ANKRD36: variants seen among roughly 807,000 people sequenced by gnomAD.
The protein encoded by ANKRD36 is ankyrin repeat domain 36.
A neutral mutation model predicts 278.1 loss-of-function variants in ANKRD36; 179 were observed. That is an observed-to-expected ratio of 0.64 (90% CI 0.57 to 0.73). The LOEUF (loss-of-function observed/expected upper bound fraction) is 0.73, where lower values mean the gene tolerates loss of function less well. Ranked by LOEUF, ANKRD36 falls within the 30% of genes least tolerant of loss-of-function variation. The probability of loss-of-function intolerance (pLI) is 0.00; values close to 1 mark genes in which losing one functional copy is unlikely to be tolerated. For synonymous variants in ANKRD36, 320 were observed against 641.1 expected (o/e 0.50, Z 7.57); for missense variants, 1,159 against 1,956.7 (o/e 0.59, Z 7.69).
chr2:97,230,305 A>G (rs1421111649), intron 67 of ANKRD36, among the ~76,000 whole-genome samples: 1 of 152,024 alleles, frequency 6.6e-6, no homozygotes, highest in Non-Finnish European at 1.5e-5. Context: ...CTTTTCACTT[A>G]GTCCCATATT....
chr2:97,175,170 T>C (rs1440306138), intron 22 of ANKRD36, among the ~76,000 whole-genome samples: 1 of 150,390 alleles, frequency 6.6e-6, no homozygotes, highest in Non-Finnish European at 1.5e-5. Flanking sequence ...TCCCTCTTTT[T>C]CTATTGATTG....
intron 52 of ANKRD36, among the ~76,000 whole-genome samples, chr2:97,206,884 T>G (rs946367256): frequency 3.3e-5 from 5 of 151,600 alleles, no homozygotes; most frequent in African/African-American, 9.7e-5. Context: ...GTTTCCTTGT[T>G]CAAGGAGCCA....
At chr2:97,196,532 A>C in intron 40 of ANKRD36, 61 bp from the exon 41 acceptor site, 1 of 1,598,060 alleles carries the variant, frequency 6.3e-7, no homozygotes, top group Non-Finnish European at 8.5e-7. Context: ...CTCTGCTTGA[A>C]TGTATGGATA....
At chr2:97,201,543 C>G in intron 46 of ANKRD36, among the ~76,000 whole-genome samples, 1 of 151,878 alleles carries the variant, frequency 6.6e-6, no homozygotes, top group East Asian at 1.9e-4. Flanking sequence ...CCTTTGGTGC[C>G]ATGAGTGGAT....
chr2:97,261,078 C>T lies in ANKRD36; in HGVS notation c.*7-3251C>T, dbSNP rs1222886476. 4.0e-5 allele frequency among the ~76,000 whole-genome samples: 5 copies of T among 125,334 alleles called. 2 individuals carry two copies. The highest frequency in any genetic ancestry group is 1.8e-4 in the African/African-American group (5 of 28,008). The allele number at this position is 125,334 out of a possible 152,430, so 82.2% of individuals were successfully genotyped here. ...AACTGTCTTCACATCAGCAATAATA[C>T]CATTGTACTTATCATTTGTGCATTC... On this transcript the variant is annotated intron_variant, in intron 75 of 75. Transcript: ENST00000420699.
chr2:97,250,611 T>C (rs2075853110), intron 75 of ANKRD36, among the ~76,000 whole-genome samples: 1 of 120,982 alleles, frequency 8.3e-6, no homozygotes, highest in South Asian at 4.2e-4. Flanking sequence ...ACCAGTGACA[T>C]TTTAAATCTC....
rs555259160 is a variant in ANKRD36, at chr2:97,158,413, G to C, written c.1322-175G>C. On this transcript the variant is annotated intron_variant, in intron 16 of 75. Coordinates refer to ENST00000420699, the MANE Select transcript of ANKRD36 (RefSeq NM_001354587.1). ...TGGCTATTTTTGTATTTTTGGTAGA[G>C]ATGGAGTTTCACCATGTTGGCCAGG... Among the ~76,000 whole-genome samples the C allele has an allele frequency of 3.3e-5, 5 of 152,164 alleles. No homozygotes were observed. In the East Asian group the frequency reaches 7.8e-4, roughly 24 times the overall value.
chr2:97,116,487 T>C (rs1272334355), intron 1 of ANKRD36, among the ~76,000 whole-genome samples: 9 of 152,068 alleles, frequency 5.9e-5, no homozygotes, highest in Non-Finnish European at 1.3e-4. Context: ...TTGGCCAGGC[T>C]GGTCTCAGAC....
At chr2:97,180,915 G>T (rs2056006020) in intron 24 of ANKRD36, among the ~76,000 whole-genome samples, 1 of 151,748 alleles carries the variant, frequency 6.6e-6, no homozygotes, top group African/African-American at 2.4e-5. Context: ...ATTGGTAATT[G>T]ATATTTTTAT....
At chr2:97,230,630 C>G (rs2071635907) in intron 67 of ANKRD36, among the ~76,000 whole-genome samples, 1 of 152,206 alleles carries the variant, frequency 6.6e-6, no homozygotes, top group Non-Finnish European at 1.5e-5. Flanking sequence ...AAGCCTTCTT[C>G]TCTCAACTCG....
At chr2:97,215,588 T>G (rs2065713392) in intron 62 of ANKRD36, 91 bp downstream of exon 62, 2 of 1,573,968 alleles carry the variant, frequency 1.3e-6, no homozygotes, top group African/African-American at 2.7e-5. Context: ...TCATTGAAGT[T>G]TTATGTTTGG....
Position 97,164,265 on chromosome 2 carries a change from G to T in ANKRD36, c.1430-18G>T, listed in dbSNP as rs1460749458. The T allele has an allele frequency of 1.3e-6, 2 of 1,529,616 alleles. No individual in the cohort carries two copies. The highest frequency in any genetic ancestry group is 1.8e-6 in the Non-Finnish European group (2 of 1,142,320). The allele number at this position is 1,529,616 out of a possible 1,614,324, so 94.8% of individuals were successfully genotyped here. A position where few individuals can be genotyped will look rare whatever the true frequency, so the allele number is the denominator to read the frequency against. On this transcript the variant is annotated intron_variant, in intron 18 of 75. Transcript: ENST00000420699. Reference sequence around the variant, plus strand: ...CATATTTACCTGTAGTCAATTATGTGTTCCTTTTGCTTTGTAGTGTCTCCT... The same window carrying T: ...CATATTTACCTGTAGTCAATTATGTTTTCCTTTTGCTTTGTAGTGTCTCCT...
chr2:97,158,540 T>A, intron 16 of ANKRD36, 48 bp from the exon 17 acceptor site: 1 of 1,526,354 alleles, frequency 6.6e-7, no homozygotes, highest in Non-Finnish European at 8.8e-7. Flanking sequence ...ATTTCTTGAT[T>A]CTTAATTACA....
At chr2:97,163,460 T>A in intron 18 of ANKRD36, 1 of 352,778 alleles carries the variant, frequency 2.8e-6, no homozygotes, top group South Asian at 2.2e-5. Context: ...GTTGAAAATA[T>A]CAGAAGCCTT....
rs934043132 is a variant in ANKRD36 at position 97,118,104 on chromosome 2, A to G, written c.238A>G (p.Met80Val). ...HLACATGQPE[M>V]VHLLVSRRCE... ...GGCCTGTGCCACTGGCCAACCGGAA[A>G]TGGTACATCTCCTGGTGTCCAGAAG... is the stretch of plus-strand genomic sequence containing the variant. Residue 80 changes from methionine (M) to valine (V), a missense_variant, in exon 2 of 76, where the codon ATG becomes GTG. Met to Val is a conservative substitution (Grantham distance 21). Transcript: ENST00000420699. 6.4e-7 allele frequency: 1 copy of G among 1,558,048 alleles called. No individual in the cohort carries two copies. Among genetic ancestry groups the G allele is most frequent in the African/African-American group, 1.4e-5 (1 of 73,262 alleles).
At chr2:97,250,694 ACT>A (rs1481544549) in intron 75 of ANKRD36, among the ~76,000 whole-genome samples, 1 of 103,766 alleles carries the variant, frequency 9.6e-6, no homozygotes, top group Non-Finnish European at 1.7e-5. Flanking sequence ...TGGAATCAAA[ACT>A]CTCACATCAG....
Position 97,152,588 on chromosome 2 carries a change from A to G in ANKRD36, c.1193+54A>G, listed in dbSNP as rs1002931720. On this transcript the variant is annotated intron_variant, in intron 14 of 75. Transcript: ENST00000420699. ...TATGTTAACTAAGTGAATAGAGAGA[A>G]GAGAAACTAGTATTTGTTTAGTATT... The G allele has an allele frequency of 7.9e-6, 11 of 1,394,830 alleles. 2 individuals are homozygous for G. The highest frequency in any genetic ancestry group is 1.1e-5 in the Non-Finnish European group (11 of 1,024,182). The allele number at this position is 1,394,830 out of a possible 1,614,324, so 86.4% of individuals were successfully genotyped here.
intron 40 of ANKRD36, among the ~76,000 whole-genome samples, chr2:97,195,808 T>A (rs571680167): frequency 6.9e-4 from 105 of 152,058 alleles, no homozygotes; most frequent in Middle Eastern, 6.8e-3. Context: ...TCAATGAATA[T>A]TGGAATGATT....
chr2:97,179,804 G>A lies in ANKRD36; in HGVS notation c.1662+38G>A, dbSNP rs1183623512. The A allele has an allele frequency of 2.3e-5, 36 of 1,597,756 alleles. 1 individual carries two copies. The highest frequency in any genetic ancestry group is 2.9e-5 in the Non-Finnish European group (34 of 1,178,158). The stretch of plus-strand genomic sequence containing the variant: ...TCATTTATATGTTGAACTATTAACT[G>A]TATAGTCTATGAAACCTACTTTACA... On this transcript the variant is annotated intron_variant, in intron 23 of 75. Transcript: ENST00000420699.
Sources: allele counts gnomAD v4.1 joint callset (sites outside exome capture counted in the v4.1 genomes callset), GRCh38; gene constraint gnomAD v4.1.1; transcripts MANE v1.5; gene names NCBI Gene and HGNC (gene_info 2026-07-23, HGNC 2026-07-21).